Variants in FAF1 observed in about 807,000 individuals in gnomAD.
The protein encoded by FAF1 is FAS-associated factor 1.
In FAF1, 25 loss-of-function variants were observed where a neutral mutation model predicts 92.5. The ratio of observed to expected loss-of-function variants is 0.27; its 90% CI spans 0.20 to 0.38. The LOEUF is 0.38. Ranked by LOEUF, FAF1 falls within the 10% of genes least tolerant of loss-of-function variation. FAF1 has a pLI of 1.00. For synonymous variants in FAF1, 234 were observed against 273.2 expected (o/e 0.86, Z 1.42); for missense variants, 636 against 793.3 (o/e 0.80, Z 2.38).
At chr1:50,520,620 G>C (rs1647449522) in intron 15 of FAF1, among the ~76,000 whole-genome samples, 1 of 152,156 alleles carries the variant, frequency 6.6e-6, no homozygotes, top group South Asian at 2.1e-4. Flanking sequence ...GCTGAGGCAG[G>C]TGGATCACTT....
intron 13 of FAF1, among the ~76,000 whole-genome samples, chr1:50,552,477 C>T (rs542105480): frequency 1.2e-4 from 19 of 152,138 alleles, no homozygotes; most frequent in African/African-American, 4.3e-4. Context: ...AATTATTTAG[C>T]ATTTTAATAG....
chr1:50,770,589 C>A (rs1660743309), intron 4 of FAF1, among the ~76,000 whole-genome samples: 1 of 152,036 alleles, frequency 6.6e-6, no homozygotes, highest in African/African-American at 2.4e-5. Context: ...CAAAAGACTG[C>A]ATGAAGATAT....
intron 6 of FAF1, among the ~76,000 whole-genome samples, chr1:50,726,018 G>GC: frequency 6.6e-6 from 1 of 152,170 alleles, no homozygotes; most frequent in East Asian, 1.9e-4. Flanking sequence ...ACTTTGGGAG[G>GC]CCAAGGAAGG....
chr1:50,705,899 G>T lies in FAF1; in HGVS notation c.552-8C>A. On this transcript the variant is annotated splice_region_variant and splice_polypyrimidine_tract_variant and intron_variant, in intron 6 of 18. Coordinates refer to ENST00000396153, the MANE Select transcript of FAF1 (RefSeq NM_007051.3). Reference sequence around the variant, plus strand: ...AATGACTCCTGCAGGGCACTGAAAGGGTTGAAAGAAAAACAAGGAACTCAG... The same window carrying T: ...AATGACTCCTGCAGGGCACTGAAAGTGTTGAAAGAAAAACAAGGAACTCAG... The T allele has an allele frequency of 1.3e-6, 2 of 1,564,550 alleles. No homozygotes were observed. The highest frequency in any genetic ancestry group is 8.8e-7 in the Non-Finnish European group (1 of 1,140,062).
At chr1:50,708,814 CTG>C (rs1201907590) in intron 6 of FAF1, among the ~76,000 whole-genome samples, 9 of 152,092 alleles carry the variant, frequency 5.9e-5, no homozygotes, top group Non-Finnish European at 1.3e-4. Flanking sequence ...AAAGAAATAA[CTG>C]TTTCAAATAG....
chr1:50,950,587 T>C (rs1210457745), intron 1 of FAF1, among the ~76,000 whole-genome samples: 2 of 152,206 alleles, frequency 1.3e-5, no homozygotes, highest in African/African-American at 4.8e-5. Flanking sequence ...AGATATAGTT[T>C]GCTGACCCCT....
At chr1:50,703,791 C>T (rs1471164344) in intron 7 of FAF1, among the ~76,000 whole-genome samples, 1 of 152,022 alleles carries the variant, frequency 6.6e-6, no homozygotes, top group Non-Finnish European at 1.5e-5. Context: ...CAGTTTCAGC[C>T]AACTGTGGCA....
chr1:50,596,598 G>A (rs1021575807), intron 8 of FAF1, among the ~76,000 whole-genome samples: 11 of 152,070 alleles, frequency 7.2e-5, no homozygotes, highest in African/African-American at 2.7e-4. Context: ...AAAATTGTAG[G>A]TGAGATACAA....
intron 8 of FAF1, among the ~76,000 whole-genome samples, chr1:50,618,419 T>G (rs1201845831): frequency 6.9e-6 from 1 of 145,826 alleles, no homozygotes; most frequent in Non-Finnish European, 1.5e-5. Flanking sequence ...TTAGAGTTTT[T>G]TTTTTTTTTT....
intron 7 of FAF1, among the ~76,000 whole-genome samples, chr1:50,675,478 C>A (rs1656079674): frequency 6.6e-6 from 1 of 152,232 alleles, no homozygotes; most frequent in Non-Finnish European, 1.5e-5. Flanking sequence ...TCCAAAGAGG[C>A]AGATGCTGCT....
chr1:50,485,938 C>T lies in FAF1; in HGVS notation c.1653+4650G>A, dbSNP rs77904411. Among the ~76,000 whole-genome samples, 102 of 152,114 alleles carry T rather than the reference C, an allele frequency of 6.7e-4. 5 individuals are homozygous for T. In the East Asian group the frequency reaches 0.019, roughly 28 times the overall value. ...TGTGAGAACTCCATCATGAGAACAG[C>T]AAGGGGAAATGGCGCTCCCATGATC... On this transcript the variant is annotated intron_variant, in intron 17 of 18. Transcript: ENST00000396153.
chr1:50,592,031 G>GTGTT (rs1453998527), intron 9 of FAF1, among the ~76,000 whole-genome samples: 2 of 152,042 alleles, frequency 1.3e-5, no homozygotes, highest in African/African-American at 4.8e-5. Flanking sequence ...ACTATGCTAG[G>GTGTT]TGTTAGGGCT....
At chr1:50,784,753 G>A (rs1182482003) in intron 4 of FAF1, among the ~76,000 whole-genome samples, 1 of 152,090 alleles carries the variant, frequency 6.6e-6, no homozygotes, top group African/African-American at 2.4e-5. Context: ...AAAGCTGGAG[G>A]CCTCCTACTT....
At chr1:50,632,374 A>G (rs1653829094) in intron 8 of FAF1, among the ~76,000 whole-genome samples, 3 of 152,154 alleles carry the variant, frequency 2.0e-5, no homozygotes, top group Non-Finnish European at 4.4e-5. Flanking sequence ...CTAATTCAAG[A>G]TAACTGATTG....
chr1:50,542,353 T>G (rs1426436185), intron 13 of FAF1, among the ~76,000 whole-genome samples: 4 of 152,198 alleles, frequency 2.6e-5, no homozygotes, highest in Non-Finnish European at 4.4e-5. Context: ...TGTCAAATCT[T>G]TCTCATGGCT....
chr1:50,937,451 G>A (rs926597534), intron 1 of FAF1, among the ~76,000 whole-genome samples: 1 of 151,948 alleles, frequency 6.6e-6, no homozygotes, highest in Admixed American at 6.6e-5. Flanking sequence ...GAGTAAATCA[G>A]TAAGTTACAA....
chr1:50,502,969 G>A (rs902616147), intron 15 of FAF1, among the ~76,000 whole-genome samples: 6 of 151,802 alleles, frequency 4.0e-5, no homozygotes, highest in African/African-American at 1.5e-4. Context: ...GATTACAGGT[G>A]TGCACCACCA....
At chr1:50,542,051 A>G (rs1036972203) in intron 13 of FAF1, among the ~76,000 whole-genome samples, 2 of 152,190 alleles carry the variant, frequency 1.3e-5, no homozygotes, top group African/African-American at 2.4e-5. Flanking sequence ...ATTTTCTGCT[A>G]GTTATTGGAA....
intron 2 of FAF1, among the ~76,000 whole-genome samples, chr1:50,802,202 T>G (rs900521869): frequency 6.6e-5 from 10 of 152,140 alleles, no homozygotes; most frequent in African/African-American, 2.2e-4. Flanking sequence ...GCAATTCTCC[T>G]GCCTCAGCCT....
Sources: gnomAD v4.1 joint callset for allele counts (sites outside exome capture counted in the v4.1 genomes callset) on GRCh38, gnomAD v4.1.1 for gene constraint, MANE v1.5 for transcripts, NCBI Gene and HGNC (gene_info 2026-07-23, HGNC 2026-07-21) for gene names.